MBNL1: variants seen among roughly 807,000 people sequenced by gnomAD.
MBNL1 encodes the protein muscleblind-like protein 1.
In MBNL1, 8 loss-of-function variants were observed where a neutral mutation model predicts 42.2. The ratio of observed to expected loss-of-function variants is 0.19; its 90% confidence interval spans 0.11 to 0.34. MBNL1 has a LOEUF of 0.34. Ranked by LOEUF, MBNL1 falls within the 10% of genes least tolerant of loss-of-function variation. The pLI is 1.00. For missense variants in MBNL1, 309 were observed against 495.3 expected (o/e 0.62, Z 3.57); for synonymous variants, 169 against 173.9 (o/e 0.97, Z 0.22).
chr3:152,262,449 A>G (rs1231983916), intron 2 of MBNL1, among the ~76,000 whole-genome samples: 2 of 152,332 alleles, frequency 1.3e-5, no homozygotes, highest in African/African-American at 4.8e-5. Context: ...AACTCACACA[A>G]TGGAATGAAA....
chr3:152,278,019 CT>C (rs2046308195), intron 1 of MBNL1, among the ~76,000 whole-genome samples: 1 of 151,848 alleles, frequency 6.6e-6, no homozygotes, highest in African/African-American at 2.4e-5. Context: ...TATTATTAGA[CT>C]TTTTTTCCTA....
intron 6 of MBNL1, among the ~76,000 whole-genome samples, chr3:152,450,118 A>AC (rs778333455): frequency 2.8e-4 from 42 of 148,202 alleles, no homozygotes; most frequent in Admixed American, 4.1e-4. Flanking sequence ...AAAAAAAAAA[A>AC]CCACACAAAA....
At chr3:152,268,891 A>G (rs1196319477), upstream of MBNL1, 2 of 454,716 alleles carry the variant, frequency 4.4e-6, no homozygotes, top group South Asian at 3.1e-5. Context: ...AGCGGAAGCC[A>G]GACCTCGGCG....
At chr3:152,429,167 G>A (rs1398493164) in intron 3 of MBNL1, among the ~76,000 whole-genome samples, 9 of 152,080 alleles carry the variant, frequency 5.9e-5, no homozygotes, top group African/African-American at 9.7e-5. Context: ...AAATAGCACC[G>A]ATAAAGCACT....
chr3:152,342,094 T>C (rs2093366833), intron 2 of MBNL1, among the ~76,000 whole-genome samples: 1 of 152,190 alleles, frequency 6.6e-6, no homozygotes, highest in Admixed American at 6.5e-5. Flanking sequence ...AAGAGAAACT[T>C]GGCCTCACAG....
At chr3:152,323,953 T>C (rs1418428581) in intron 2 of MBNL1, among the ~76,000 whole-genome samples, 1 of 152,178 alleles carries the variant, frequency 6.6e-6, no homozygotes, top group Non-Finnish European at 1.5e-5. Context: ...TTATATGACA[T>C]GCAGTTTGAA....
intron 2 of MBNL1, among the ~76,000 whole-genome samples, chr3:152,353,452 T>C (rs1306993577): frequency 6.6e-6 from 1 of 152,212 alleles, no homozygotes; most frequent in African/African-American, 2.4e-5. Flanking sequence ...AAATAGTGCG[T>C]AGGAATTGAC....
intron 9 of MBNL1, among the ~76,000 whole-genome samples, chr3:152,461,778 A>G (rs1746407099): frequency 6.6e-6 from 1 of 152,238 alleles, no homozygotes; most frequent in Non-Finnish European, 1.5e-5. Context: ...CCACAAGTAC[A>G]TTGTAATGTC....
At chr3:152,290,192 T>A (rs1029572271) in intron 1 of MBNL1, among the ~76,000 whole-genome samples, 2 of 152,088 alleles carry the variant, frequency 1.3e-5, no homozygotes, top group Admixed American at 6.5e-5. Context: ...GTGGTCAGAT[T>A]TAGTGGGTAG....
rs534247432 is a variant in MBNL1, at chr3:152,385,210, A to T, written c.175-29731A>T. On this transcript the variant is annotated intron_variant, in intron 2 of 9. Transcript: ENST00000324210. Reference sequence around the variant, plus strand: ...TTTTAAAAAATATGCCTTTTAAAAAAATATTTCTTCTTGTATTGAGGCCTC... The same window carrying T: ...TTTTAAAAAATATGCCTTTTAAAAATATATTTCTTCTTGTATTGAGGCCTC... Among the ~76,000 whole-genome samples, 33 of 152,160 alleles carry T rather than the reference A, an allele frequency of 2.2e-4. No homozygotes were observed. In the South Asian group the frequency reaches 6.4e-3, roughly 30 times the overall value.
At chr3:152,286,508 T>A (rs1393980637) in intron 1 of MBNL1, among the ~76,000 whole-genome samples, 1 of 126,400 alleles carries the variant, frequency 7.9e-6, no homozygotes, top group Non-Finnish European at 1.6e-5. Flanking sequence ...ATATAAATAT[T>A]TATATTTTAT....
intron 6 of MBNL1, among the ~76,000 whole-genome samples, chr3:152,451,302 A>G (rs1194367539): frequency 6.6e-6 from 1 of 152,202 alleles, no homozygotes; most frequent in Non-Finnish European, 1.5e-5. Context: ...AAGAAAAATT[A>G]CTACATACTT....
At chr3:152,417,517 G>C (rs1197707115) in intron 3 of MBNL1, among the ~76,000 whole-genome samples, 1 of 152,176 alleles carries the variant, frequency 6.6e-6, no homozygotes, top group East Asian at 1.9e-4. Flanking sequence ...TTTTAGTCAA[G>C]TAGGTGACAG....
At chr3:152,307,265 A>G (rs1449479104) in intron 2 of MBNL1, among the ~76,000 whole-genome samples, 1 of 152,214 alleles carries the variant, frequency 6.6e-6, no homozygotes, top group Non-Finnish European at 1.5e-5. Flanking sequence ...CTGGGATTAC[A>G]GGCGTGAGTC....
At chr3:152,317,934 A>G (rs1191649587) in intron 2 of MBNL1, among the ~76,000 whole-genome samples, 4 of 152,242 alleles carry the variant, frequency 2.6e-5, no homozygotes, top group Non-Finnish European at 4.4e-5. Context: ...TTTAGCTGCA[A>G]CAAATGAATA....
intron 2 of MBNL1, among the ~76,000 whole-genome samples, chr3:152,369,499 T>C (rs1452953861): frequency 1.3e-5 from 2 of 152,204 alleles, no homozygotes; most frequent in Non-Finnish European, 2.9e-5. Context: ...TGGAGGTTTT[T>C]GGTATCAGGA....
chr3:152,348,763 A>G (rs1332823235), intron 2 of MBNL1, among the ~76,000 whole-genome samples: 2 of 152,108 alleles, frequency 1.3e-5, no homozygotes, highest in South Asian at 2.1e-4. Flanking sequence ...TTTGATTTTG[A>G]TAGTAATGAT....
chr3:152,389,726 G>T (rs879406700), intron 2 of MBNL1, among the ~76,000 whole-genome samples: 1 of 152,148 alleles, frequency 6.6e-6, no homozygotes, highest in Non-Finnish European at 1.5e-5. Flanking sequence ...ACTGGAAGTT[G>T]TTCTGGATGA....
intron 2 of MBNL1, among the ~76,000 whole-genome samples, chr3:152,379,914 G>A (rs1263442358): frequency 6.6e-6 from 1 of 151,926 alleles, no homozygotes; most frequent in Non-Finnish European, 1.5e-5. Context: ...ATACTATAAG[G>A]CAATTAAATA....
Sources: allele counts gnomAD v4.1 joint callset (sites outside exome capture counted in the v4.1 genomes callset), GRCh38; gene constraint gnomAD v4.1.1; transcripts MANE v1.5; gene names NCBI Gene and HGNC (gene_info 2026-07-23, HGNC 2026-07-21).